Variants in TLCD3B observed in about 807,000 individuals in gnomAD.
TLCD3B encodes TLC domain containing 3B.
In TLCD3B, 9 loss-of-function variants were observed where a neutral mutation model predicts 23.0. The observed-to-expected ratio is 0.39, with a 90% CI of 0.24 to 0.68. The LOEUF (loss-of-function observed/expected upper bound fraction) is 0.68. Among genes scored for constraint, TLCD3B ranks in the 30% least tolerant of loss-of-function variants. The pLI, the probability that TLCD3B is intolerant of heterozygous loss-of-function variation, is 0.44. For synonymous variants in TLCD3B, 161 were observed against 161.0 expected, an observed-to-expected ratio of 1.00 and a Z score of 0.00; for missense variants, 307 against 371.8, an observed-to-expected ratio of 0.83 and a Z score of 1.43.
rs767332753 is a variant in TLCD3B at position 30,025,667 on chromosome 16, G to T, written c.540+59C>A. On this transcript the variant is annotated intron_variant, in intron 4 of 4. Coordinates refer to ENST00000380495, the MANE Select transcript of TLCD3B (RefSeq NM_031478.6). This position sits in a 1 kb window ranked among gnomAD's most constrained non-coding sequence, Gnocchi z 4.1. ...AGAGCCCTTGGCAGCAACCTTGAAG[G>T]TCCCTCCCCTTCCTGTGACCTCCCC... 6.4e-7 allele frequency: 1 copy of T among 1,564,992 alleles called. No individual in the cohort carries two copies. The highest frequency in any genetic ancestry group is 1.1e-5 in the South Asian group (1 of 90,092).
At chr16:30,035,458 T>C, upstream of TLCD3B, 5 of 1,289,478 alleles carry the variant, frequency 3.9e-6, no homozygotes, top group Non-Finnish European at 4.0e-6. Context: ...CGCAACCCAC[T>C]GCGAACAGCA....
intron 1 of TLCD3B, 95 bp downstream of exon 1, chr16:30,030,308 C>T: frequency 7.6e-7 from 1 of 1,315,018 alleles, no homozygotes; most frequent in East Asian, 2.3e-5. Flanking sequence ...CTCCCAGTCC[C>T]CCACCGCTGA....
Position 30,030,680 on chromosome 16 carries a change from T to G in TLCD3B, c.-153A>C, listed in dbSNP as rs1243111070. 1.0e-5 allele frequency: 9 copies of G among 891,452 alleles called. No individual in the cohort carries two copies. The highest frequency in any genetic ancestry group is 2.7e-4 in the Admixed American group (1 of 3,762). The allele number at this position is 891,452 out of a possible 1,614,324, so 55.2% of individuals were successfully genotyped here. ...CAAAGGGGCCAGGGCGGGGACGGGA[T>G]GGGGCCAGGGAGTCCGATGAAACTG... On this transcript the variant is annotated 5_prime_UTR_variant, in exon 1 of 5. Coordinates refer to ENST00000380495, the MANE Select transcript of TLCD3B (RefSeq NM_031478.6).
chr16:30,049,513 CATATG>C, intron 1 of TLCD3B, among the ~76,000 whole-genome samples: 1 of 152,176 alleles, frequency 6.6e-6, no homozygotes, highest in East Asian at 1.9e-4. Context: ...TGCGGAACTA[CATATG>C]ATACATCTGA....
In TLCD3B at chr16:30,025,958, G is replaced by T; in HGVS notation, c.445-137C>A. 1 of 680,266 alleles carries T rather than the reference G, an allele frequency of 1.5e-6. No homozygotes were observed. The highest frequency in any genetic ancestry group is 2.5e-6 in the Non-Finnish European group (1 of 396,442). The allele number at this position is 680,266 out of a possible 1,614,324, so 42.1% of individuals were successfully genotyped here. On this transcript the variant is annotated intron_variant, in intron 3 of 4. Transcript: ENST00000380495. This position sits in a 1 kb window ranked among gnomAD's most constrained non-coding sequence, Gnocchi z 4.1. ...TCAGAACACCTGGGTGCAGGGCTGG[G>T]TGCAGTGGCTCACGCCGGTAATCCC...
chr16:30,047,542 G>A (rs546331917), intron 1 of TLCD3B, among the ~76,000 whole-genome samples: 38 of 151,940 alleles, frequency 2.5e-4, no homozygotes, highest in South Asian at 1.7e-3. Flanking sequence ...GGCTGGTCAC[G>A]AACTCCTGAC....
intron 2 of TLCD3B, among the ~76,000 whole-genome samples, chr16:30,028,828 C>T (rs1379120690): frequency 2.6e-5 from 4 of 152,228 alleles, no homozygotes; most frequent in Non-Finnish European, 5.9e-5. Context: ...GTCAGCACCA[C>T]GGACAGGGCC....
In TLCD3B at chr16:30,041,581, G is replaced by T. The variant is rs145719621; in HGVS notation, c.-228-425C>A. Among the ~76,000 whole-genome samples, 143 of 151,972 alleles carry T rather than the reference G, an allele frequency of 9.4e-4. 3 individuals carry two copies. In the East Asian group the frequency reaches 0.027, roughly 29 times the overall value. On this transcript the variant is annotated intron_variant, in intron 2 of 6. Coordinates refer to the TLCD3B transcript ENST00000561666. ...TTGTAAAATACAAAAAATTAGCTGG[G>T]CATGGTGGTGGGTGCCTGTAGTCCC...
At chr16:30,043,961 C>A (rs1479037837) in intron 2 of TLCD3B, among the ~76,000 whole-genome samples, 1 of 151,366 alleles carries the variant, frequency 6.6e-6, no homozygotes, top group Non-Finnish European at 1.5e-5. Flanking sequence ...TCACAAAGTG[C>A]TGGGATTATA....
intron 2 of TLCD3B, among the ~76,000 whole-genome samples, chr16:30,028,162 A>C (rs1454915995): frequency 1.3e-5 from 2 of 152,214 alleles, no homozygotes; most frequent in Non-Finnish European, 2.9e-5. Context: ...ATGCAGGCCC[A>C]GCAGAGGTGA....
intron 1 of TLCD3B, among the ~76,000 whole-genome samples, chr16:30,052,326 C>T (rs1397556595): frequency 6.6e-6 from 1 of 151,706 alleles, no homozygotes; most frequent in East Asian, 1.9e-4. Context: ...CAAGATCACA[C>T]CATTGCACTC....
At chr16:30,035,417 C>A (rs756881907), upstream of TLCD3B, 6 of 1,289,624 alleles carry the variant, frequency 4.7e-6, no homozygotes, top group African/African-American at 1.5e-5. Flanking sequence ...CAAGCCCCAG[C>A]GCAGGGCAGT....
At position 30,029,849 on chromosome 16, in the gene TLCD3B, C is replaced by G. The variant is rs930275818; in HGVS notation, c.126-334G>C. Among the ~76,000 whole-genome samples, 3 of 152,216 alleles carry G rather than the reference C, an allele frequency of 2.0e-5. No homozygotes were observed. The highest frequency in any genetic ancestry group is 7.2e-5 in the African/African-American group (3 of 41,448). ...GAGTGAACTGCTGGCCTGGACCTCT[C>G]CCCACGAGGGGAGCCTGGGCCGGTT... On this transcript the variant is annotated intron_variant, in intron 1 of 4. Coordinates refer to ENST00000380495, the MANE Select transcript of TLCD3B (RefSeq NM_031478.6). The surrounding 1 kb of genome is among the most constrained non-coding windows in gnomAD (Gnocchi z 4.6).
chr16:30,047,582 G>T (rs550576458), intron 1 of TLCD3B, among the ~76,000 whole-genome samples: 1 of 151,422 alleles, frequency 6.6e-6, no homozygotes, highest in South Asian at 2.1e-4. Context: ...TCGGCCTCCC[G>T]CAGTGCTGGG....
intron 3 of TLCD3B, among the ~76,000 whole-genome samples, chr16:30,038,633 C>A (rs554946896): frequency 8.5e-5 from 13 of 152,186 alleles, no homozygotes; most frequent in Admixed American, 7.9e-4. Context: ...GCCTGTAATC[C>A]CAGCTACTTG....
At chr16:30,028,689 C>G (rs569727795) in intron 2 of TLCD3B, among the ~76,000 whole-genome samples, 1 of 152,158 alleles carries the variant, frequency 6.6e-6, no homozygotes, top group Non-Finnish European at 1.5e-5. Flanking sequence ...CCATCAGGGG[C>G]GTCCAAATGT....
At chr16:30,026,370 C>T (rs1421233843) in intron 3 of TLCD3B, among the ~76,000 whole-genome samples, 1 of 152,168 alleles carries the variant, frequency 6.6e-6, no homozygotes, top group African/African-American at 2.4e-5. Flanking sequence ...AGACGTGCAA[C>T]CACAAATCCA....
intron 2 of TLCD3B, among the ~76,000 whole-genome samples, chr16:30,044,020 T>C (rs1354369860): frequency 6.6e-6 from 1 of 150,660 alleles, no homozygotes; most frequent in African/African-American, 2.4e-5. Context: ...CTTTTTTTTT[T>C]TTTTTTAACT....
chr16:30,030,833 G>A lies in TLCD3B; in HGVS notation c.-306C>T. ...TGGCTTGGTGAGGGACAGAGAGGAAGAGGGGACAGGAGGAGGAGGATGCGG... is the reference window on the plus strand; with the variant it reads ...TGGCTTGGTGAGGGACAGAGAGGAAAAGGGGACAGGAGGAGGAGGATGCGG... On this transcript the variant is annotated 5_prime_UTR_variant, in exon 1 of 5. Transcript: ENST00000380495. 4.7e-6 allele frequency: 5 copies of A among 1,060,276 alleles called. No homozygotes were observed. The highest frequency in any genetic ancestry group is 5.7e-6 in the Non-Finnish European group (5 of 878,460). 65.7% of individuals were successfully genotyped at this position (1,060,276 alleles called of 1,614,324 possible). A position where few individuals can be genotyped will look rare whatever the true frequency, so the allele number is the denominator to read the frequency against.
Sources: gnomAD v4.1 joint callset for allele counts (sites outside exome capture counted in the v4.1 genomes callset) on GRCh38, gnomAD v4.1.1 for gene constraint, Gnocchi (gnomAD v3.1) non-coding constraint, MANE v1.5 for transcripts, NCBI Gene and HGNC (gene_info 2026-07-23, HGNC 2026-07-21) for gene names.